MYH15: variants seen among roughly 807,000 people sequenced by gnomAD.
MYH15 encodes the protein myosin heavy chain 15, also known as myosin-15.
A neutral mutation model predicts 240.5 loss-of-function variants in MYH15; 227 were observed. The ratio of observed to expected loss-of-function variants is 0.94; its 90% confidence interval spans 0.85 to 1.05. The LOEUF is 1.05. MYH15 is among the 50% of genes least tolerant of loss of function. The pLI is 0.00. For missense variants in MYH15, 2,217 were observed against 2,247.5 expected, an observed-to-expected ratio of 0.99 and a Z score of 0.27; for synonymous variants, 785 against 796.7, an observed-to-expected ratio of 0.99 and a Z score of 0.25.
At chr3:108,500,021 G>T (rs2083423958) in intron 4 of MYH15, 97 bp downstream of exon 4, 2 of 1,342,512 alleles carry the variant, frequency 1.5e-6, no homozygotes, top group Non-Finnish European at 2.0e-6. Context: ...AACTGTAAAG[G>T]CCATGCTCTG....
intron 1 of MYH15, among the ~76,000 whole-genome samples, chr3:108,524,063 T>G (rs1278822398): frequency 6.6e-6 from 1 of 151,994 alleles, no homozygotes; most frequent in African/African-American, 2.4e-5. Flanking sequence ...TGAGAAAGTG[T>G]CCTAGGAGTG....
chr3:108,406,588 G>A (rs780925848), intron 32 of MYH15, among the ~76,000 whole-genome samples: 1 of 152,074 alleles, frequency 6.6e-6, no homozygotes, highest in Non-Finnish European at 1.5e-5. Context: ...GAATCTTTAG[G>A]GAACATGACC....
At chr3:108,392,107 C>T (rs1027657703) in intron 36 of MYH15, among the ~76,000 whole-genome samples, 177 bp from the exon 37 acceptor site, 1 of 152,088 alleles carries the variant, frequency 6.6e-6, no homozygotes, top group African/African-American at 2.4e-5. Flanking sequence ...AACAGTAAGG[C>T]AATAGAGACA....
chr3:108,478,278 A>AAT (rs1164903235), intron 11 of MYH15, among the ~76,000 whole-genome samples: 6 of 152,200 alleles, frequency 3.9e-5, no homozygotes, highest in African/African-American at 1.4e-4. Context: ...AACTAAAATC[A>AAT]ATATATATAA....
chr3:108,460,229 A>C (rs2083059181), intron 17 of MYH15, 71 bp downstream of exon 17: 4 of 1,282,548 alleles, frequency 3.1e-6, no homozygotes, highest in Non-Finnish European at 4.3e-6. Flanking sequence ...AAGATGTGAA[A>C]TGTCAACTAA....
chr3:108,456,786 C>T lies in MYH15; in HGVS notation c.2118G>A (p.Gln706=), dbSNP rs1255601257. 1.2e-6 allele frequency: 2 copies of T among 1,612,450 alleles called. No homozygotes were observed. The highest frequency in any genetic ancestry group is 2.2e-5 in the East Asian group (1 of 44,864). Residue 706 remains glutamine, a synonymous_variant, in exon 19 of 41, where the codon CAG becomes CAA. Transcript: ENST00000693548. ...TTTACCTTTGTTTAAAATCAGCATA[C>T]TGCAGTCGGTTTGGAAAACCTTCAC... is the stretch of plus-strand genomic sequence containing the variant. ...ICREGFPNRL[Q]YADFKQRYCI...
At chr3:108,503,906 A>C (rs2083455795) in intron 2 of MYH15, among the ~76,000 whole-genome samples, 1 of 152,246 alleles carries the variant, frequency 6.6e-6, no homozygotes, top group Non-Finnish European at 1.5e-5. Context: ...CCCAGTGACA[A>C]TCAACTGATG....
chr3:108,541,283 AAAACATTATC>A, the MYH15 span, among the ~76,000 whole-genome samples: 1 of 152,002 alleles, frequency 6.6e-6, no homozygotes, highest in Non-Finnish European at 1.5e-5. Context: ...ATAAAATACT[AAAACATTATC>A]AAGTCACAAT....
intron 3 of MYH15, 139 bp from the exon 4 acceptor site, chr3:108,500,413 G>A (rs2083427317): frequency 1.0e-5 from 9 of 879,032 alleles, no homozygotes; most frequent in Admixed American, 2.9e-5. Flanking sequence ...ATCATGTAGA[G>A]AAGGGACTTC....
At chr3:108,393,910 T>TCC in intron 36 of MYH15, 121 bp downstream of exon 36, 1 of 1,436,342 alleles carries the variant, frequency 7.0e-7, no homozygotes, top group Non-Finnish European at 9.5e-7. Context: ...CAGACTAACC[T>TCC]CCCCCTGGCT....
At chr3:108,440,413 C>A (rs1440741557) in intron 23 of MYH15, among the ~76,000 whole-genome samples, 1 of 151,984 alleles carries the variant, frequency 6.6e-6, no homozygotes, top group East Asian at 1.9e-4. Flanking sequence ...GAAAGGGAAT[C>A]AATAAAAATA....
At chr3:108,530,892 T>C (rs563513137), upstream of MYH15, among the ~76,000 whole-genome samples, 3 of 152,318 alleles carry the variant, frequency 2.0e-5, no homozygotes, top group African/African-American at 7.2e-5. Flanking sequence ...ATTTAATATA[T>C]TCAAGAAACC....
At chr3:108,529,365 C>T (rs2083697067), upstream of MYH15, 9 of 980,176 alleles carry the variant, frequency 9.2e-6, no homozygotes, top group African/African-American at 1.6e-5. Flanking sequence ...GCCAGGAAGG[C>T]AACATTATGT....
chr3:108,440,340 G>C (rs1181349717), intron 23 of MYH15, among the ~76,000 whole-genome samples: 2 of 152,106 alleles, frequency 1.3e-5, no homozygotes, highest in African/African-American at 2.4e-5. Context: ...GTTAAAGAAA[G>C]GTTCCAGCTG....
At position 108,526,386 on chromosome 3, in the gene MYH15, G is replaced by A. The variant is rs748432284; in HGVS notation, c.-58+2877C>T. On this transcript the variant is annotated intron_variant, in intron 1 of 41. Transcript: ENST00000273353. ...TTCCCTGTTCCCAGTTTCCCTGTTCGCTTCCTTTTTCTATTTCTGTTCTCT... is the reference window on the plus strand; with the variant it reads ...TTCCCTGTTCCCAGTTTCCCTGTTCACTTCCTTTTTCTATTTCTGTTCTCT... Among the ~76,000 whole-genome samples the A allele has an allele frequency of 7.9e-5, 12 of 152,198 alleles. No individual in the cohort carries two copies. In the East Asian group the frequency reaches 1.2e-3, roughly 15 times the overall value.
intron 37 of MYH15, 91 bp from the exon 38 acceptor site, chr3:108,389,165 G>T: frequency 8.8e-7 from 1 of 1,141,804 alleles, no homozygotes; most frequent in Non-Finnish European, 1.3e-6. Context: ...AGACAGCAAA[G>T]TGTCAAGGGA....
In MYH15 at chr3:108,500,154, CA is replaced by C. The variant is rs750251498; in HGVS notation, c.459del (p.Phe153LeufsTer32). ...KRRSEAPPHI[F>X]AVANNAFQDM... ...TCCTGAAAGGCGTTATTGGCAACAG[CA>C]AAGATGTGAGGGGGAGCCTCTGATC... On this transcript the variant is annotated frameshift_variant, in exon 4 of 41. Transcript: ENST00000693548. LOFTEE classifies it high-confidence loss of function. The C allele has an allele frequency of 4.3e-6, 7 of 1,613,872 alleles. No homozygotes were observed. The African/African-American group carries it at 6.7e-5, about 15-fold the overall frequency.
rs542473116 is a variant in MYH15 at position 108,406,887 on chromosome 3, C to T, written c.4620+1393G>A. The stretch of plus-strand genomic sequence containing the variant: ...TGTGTTATACAGGACATAAATGGCC[C>T]GTGCCAGTTGTATTTTTCATTGGCT... On this transcript the variant is annotated intron_variant, in intron 32 of 40. Transcript: ENST00000693548. 7.9e-5 allele frequency among the ~76,000 whole-genome samples: 12 copies of T among 152,218 alleles called. No individual in the cohort carries two copies. In the East Asian group the frequency reaches 1.2e-3, roughly 15 times the overall value.
chr3:108,504,159 G>T (rs1309045094), intron 2 of MYH15, among the ~76,000 whole-genome samples: 2 of 152,170 alleles, frequency 1.3e-5, no homozygotes, highest in African/African-American at 4.8e-5. Flanking sequence ...AGGAAAGAAG[G>T]GGGAGTGACT....
Sources: allele counts gnomAD v4.1 joint callset (sites outside exome capture counted in the v4.1 genomes callset), GRCh38; gene constraint gnomAD v4.1.1; transcripts MANE v1.5; gene names NCBI Gene and HGNC (gene_info 2026-07-23, HGNC 2026-07-21).